The following FER1L6 variants were observed in gnomAD, a reference collection of about 807,000 sequenced individuals.
The protein encoded by FER1L6 is fer-1 like family member 6, also known as fer-1-like protein 6.
In FER1L6, 177 loss-of-function variants were observed where a neutral mutation model predicts 219.2. The observed-to-expected ratio is 0.81, with a 90% CI of 0.71 to 0.91. The LOEUF (loss-of-function observed/expected upper bound fraction) is 0.91, where lower values mean the gene tolerates loss of function less well. FER1L6 is among the 40% of genes least tolerant of loss of function. FER1L6 has a pLI of 0.00. For synonymous variants in FER1L6, 768 were observed against 824.3 expected (o/e 0.93, Z 1.17); for missense variants, 2,153 against 2,259.9 (o/e 0.95, Z 0.96).
At position 123,856,189 on chromosome 8, in the gene FER1L6, A is replaced by G. The variant is rs868775066; in HGVS notation, c.-8+4004A>G. On this transcript the variant is annotated intron_variant, in intron 1 of 40. Transcript: ENST00000522917. ...GTGTATGAGATATATGTATATACAT[A>G]TGTGTATGAGATATATGTATATACA... Among the ~76,000 whole-genome samples, 473 of 102,228 alleles carry G rather than the reference A, an allele frequency of 4.6e-3. 6 individuals carry two copies. Among genetic ancestry groups the G allele is most frequent in the African/African-American group, 0.018 (453 of 25,552 alleles). 67.1% of individuals were successfully genotyped at this position (102,228 alleles called of 152,430 possible). A position where few individuals can be genotyped will look rare whatever the true frequency, so the allele number is the denominator to read the frequency against.
intron 1 of FER1L6, among the ~76,000 whole-genome samples, chr8:123,929,439 G>T (rs1272892239): frequency 6.6e-6 from 1 of 152,104 alleles, no homozygotes; most frequent in Non-Finnish European, 1.5e-5. Context: ...CAGCTCTTTT[G>T]GTTCCAGAAT....
chr8:124,087,518 T>G (rs772942626), intron 33 of FER1L6, among the ~76,000 whole-genome samples: 2 of 152,214 alleles, frequency 1.3e-5, no homozygotes, highest in Non-Finnish European at 2.9e-5. Context: ...AATGCAACTA[T>G]TTTGAATTCT....
intron 1 of FER1L6, among the ~76,000 whole-genome samples, chr8:123,856,632 A>G (rs1816655066): frequency 6.6e-6 from 1 of 151,530 alleles, no homozygotes; most frequent in Non-Finnish European, 1.5e-5. Context: ...TTTCAGAAAC[A>G]CTTCCTCATC....
intron 2 of FER1L6, among the ~76,000 whole-genome samples, chr8:123,956,617 A>G (rs1232044661): frequency 6.6e-6 from 1 of 152,240 alleles, no homozygotes; most frequent in African/African-American, 2.4e-5. Context: ...ATGCTGCAGA[A>G]TTTGCAAGGC....
At chr8:123,937,979 A>C (rs112813814) in intron 1 of FER1L6, among the ~76,000 whole-genome samples, 8 of 152,320 alleles carry the variant, frequency 5.3e-5, no homozygotes, top group African/African-American at 1.9e-4. Context: ...TTCTCCATCT[A>C]AAAATAGTTC....
intron 1 of FER1L6, among the ~76,000 whole-genome samples, chr8:123,859,721 G>T: frequency 1.0e-5 from 1 of 98,322 alleles, no homozygotes; most frequent in Non-Finnish European, 1.9e-5. Context: ...CCCCACAACA[G>T]TCCCCAGAGT....
In FER1L6 at chr8:123,975,196, C is replaced by T. The variant is rs572505436; in HGVS notation, c.573C>T (p.Asp191=). The T allele has an allele frequency of 1.4e-5, 22 of 1,612,304 alleles. 1 individual carries two copies. The East Asian group carries it at 4.0e-4, about 29-fold the overall frequency. The change falls in exon 8 of 41, where the codon GAC becomes GAT. Residue 191 remains aspartate, a synonymous_variant. Coordinates refer to ENST00000522917, the MANE Select transcript of FER1L6 (RefSeq NM_001039112.2). The stretch of plus-strand genomic sequence containing the variant: ...GGGCCCTGCTCACAGACCCTGGTGA[C>T]ATCAGGACTGGCACCAAGGGGTACC... ...NKWALLTDPG[D]IRTGTKGYLK...
At chr8:124,106,361 A>AAC (rs1822776675) in intron 39 of FER1L6, among the ~76,000 whole-genome samples, 2 of 121,998 alleles carry the variant, frequency 1.6e-5, no homozygotes, top group South Asian at 2.7e-4. Context: ...AAAAAAAAAA[A>AAC]CAGAGTGGAC....
chr8:124,100,019 C>T (rs1218932074), intron 37 of FER1L6, among the ~76,000 whole-genome samples: 1 of 152,152 alleles, frequency 6.6e-6, no homozygotes, highest in Non-Finnish European at 1.5e-5. Flanking sequence ...CAAGCTCTCT[C>T]ATTGCCTCAG....
intron 27 of FER1L6, among the ~76,000 whole-genome samples, chr8:124,067,474 T>C (rs1820874423): frequency 2.0e-5 from 3 of 152,202 alleles, no homozygotes; most frequent in South Asian, 4.1e-4. Flanking sequence ...ATTGGGGAGA[T>C]AGTTTGCTTG....
At chr8:123,858,591 C>T (rs1296722350) in intron 1 of FER1L6, among the ~76,000 whole-genome samples, 1 of 152,166 alleles carries the variant, frequency 6.6e-6, no homozygotes, top group Non-Finnish European at 1.5e-5. Flanking sequence ...AGATCAGATG[C>T]AAGGGTTTAG....
chr8:123,888,492 A>T (rs1160588743), intron 1 of FER1L6, among the ~76,000 whole-genome samples: 4 of 152,146 alleles, frequency 2.6e-5, no homozygotes, highest in African/African-American at 9.7e-5. Flanking sequence ...GGAAAGTGGG[A>T]TGGAGTTTCA....
intron 33 of FER1L6, among the ~76,000 whole-genome samples, chr8:124,090,943 C>T (rs1477362552): frequency 6.6e-6 from 1 of 152,040 alleles, no homozygotes; most frequent in African/African-American, 2.4e-5. Context: ...TAAAACTAAA[C>T]AAATATAACC....
intron 13 of FER1L6, among the ~76,000 whole-genome samples, chr8:124,007,019 A>T (rs1000803570): frequency 6.6e-6 from 1 of 152,228 alleles, no homozygotes; most frequent in East Asian, 1.9e-4. Context: ...AAAGTAGAGC[A>T]GTTTGGTTTC....
At chr8:123,978,688 T>A (rs892792266) in intron 10 of FER1L6, among the ~76,000 whole-genome samples, 1 of 152,172 alleles carries the variant, frequency 6.6e-6, no homozygotes, top group African/African-American at 2.4e-5. Flanking sequence ...AATAAATATA[T>A]CACATATCAT....
rs542676906 is a variant in FER1L6, at chr8:124,116,060, G to T, written c.5290-2784G>T. On this transcript the variant is annotated intron_variant, in intron 39 of 40. Coordinates refer to ENST00000522917, the MANE Select transcript of FER1L6 (RefSeq NM_001039112.2). The stretch of plus-strand genomic sequence containing the variant: ...AGCACATTTATTCATTATTAAATAA[G>T]TAGCCTACTTTTTTTCTTCCAGAAC... Among the ~76,000 whole-genome samples, 17 of 152,340 alleles carry T rather than the reference G, an allele frequency of 1.1e-4. 1 individual carries two copies. In the South Asian group the frequency reaches 3.5e-3, roughly 32 times the overall value.
intron 11 of FER1L6, among the ~76,000 whole-genome samples, chr8:123,981,887 G>GCA (rs1816340247): frequency 6.6e-6 from 1 of 152,176 alleles, no homozygotes; most frequent in Admixed American, 6.5e-5. Flanking sequence ...AGAGTTCTTA[G>GCA]CACATACATA....
chr8:123,981,213 A>C (rs1298964261), intron 11 of FER1L6, among the ~76,000 whole-genome samples: 1 of 152,186 alleles, frequency 6.6e-6, no homozygotes, highest in African/African-American at 2.4e-5. Context: ...GAGGAGGAAG[A>C]GTAGGTGACA....
Position 123,982,782 on chromosome 8 carries a change from T to C in FER1L6, c.1410+1971T>C, listed in dbSNP as rs1322004347. Reference sequence around the variant, plus strand: ...GTGGCTGGAGAACCCACTTTGAAGATGGCTCCTCACATGGCAGGAGACTGT... The same window carrying C: ...GTGGCTGGAGAACCCACTTTGAAGACGGCTCCTCACATGGCAGGAGACTGT... On this transcript the variant is annotated intron_variant, in intron 11 of 40. Transcript: ENST00000522917. 2.6e-5 allele frequency among the ~76,000 whole-genome samples: 4 copies of C among 152,342 alleles called. No individual in the cohort carries two copies. The East Asian group carries it at 7.7e-4, about 29-fold the overall frequency.
Sources: gnomAD v4.1 joint callset for allele counts (sites outside exome capture counted in the v4.1 genomes callset) on GRCh38, gnomAD v4.1.1 for gene constraint, MANE v1.5 for transcripts, NCBI Gene and HGNC (gene_info 2026-07-23, HGNC 2026-07-21) for gene names.